NNT: variants seen among roughly 807,000 people sequenced by gnomAD.
NNT encodes NAD(P) transhydrogenase, mitochondrial.
NNT carries 50 observed loss-of-function variants against 104.8 expected under a neutral mutation model. The observed-to-expected ratio is 0.48, with a 90% CI of 0.38 to 0.60. The LOEUF is 0.60. Ranked by LOEUF, NNT falls within the 20% of genes least tolerant of loss-of-function variation. The probability of loss-of-function intolerance (pLI) is 0.00; values close to 1 mark genes in which losing one functional copy is unlikely to be tolerated. For missense variants in NNT, 1,131 were observed against 1,330.7 expected (o/e 0.85, Z 2.33); for synonymous variants, 461 against 490.4 (o/e 0.94, Z 0.79).
At chr5:43,619,364 A>G (rs1749951040) in intron 5 of NNT, among the ~76,000 whole-genome samples, 2 of 152,120 alleles carry the variant, frequency 1.3e-5, no homozygotes, top group Admixed American at 1.3e-4. Flanking sequence ...GAATTTTTAA[A>G]AGAATTTTGG....
rs1740075746 is a variant in NNT, at chr5:43,656,750, G to A, written c.2391G>A (p.Val797=). Residue 797 remains valine (V), a synonymous_variant, in exon 16 of 22, where the codon GTG becomes GTA. Coordinates refer to ENST00000344920, the MANE Select transcript of NNT (RefSeq NM_182977.3). ...ASVGGIIPFM[V]DPSFTTGITC... ...TGGGCGGGATAATCCCATTCATGGTGGACCCAAGCTTTACTACTGGCATCA... is the reference window on the plus strand; with the variant it reads ...TGGGCGGGATAATCCCATTCATGGTAGACCCAAGCTTTACTACTGGCATCA... The A allele has an allele frequency of 6.2e-7, 1 of 1,614,034 alleles. No individual in the cohort carries two copies. The highest frequency in any genetic ancestry group is 1.1e-5 in the South Asian group (1 of 91,092).
chr5:43,602,998 C>T (rs933047243), upstream of NNT: 3 of 152,252 alleles, frequency 2.0e-5, no homozygotes, highest in South Asian at 2.1e-4. Context: ...TGGAAGGGCC[C>T]CTGGGGGTAA....
Position 43,676,079 on chromosome 5 carries a change from A to T in NNT, c.2794+409A>T, listed in dbSNP as rs200582617. 2.0e-5 allele frequency among the ~76,000 whole-genome samples: 3 copies of T among 152,216 alleles called. No homozygotes were observed. In the East Asian group the frequency reaches 5.8e-4, roughly 29 times the overall value. On this transcript the variant is annotated intron_variant, in intron 18 of 21. Coordinates refer to ENST00000344920, the MANE Select transcript of NNT (RefSeq NM_182977.3). ...TTCAAAAATGATTATTTAAAAAATG[A>T]TCAAGAATCATGTGGTTTTCAACAA...
In NNT at chr5:43,628,319, C is replaced by A; in HGVS notation, c.896C>A (p.Ala299Asp). ...GAGATGTCCAAAGAGTTCATTGAAG[C>A]TGAAATGAAACTCTTTGCTCAACAA... ...AKEMSKEFIE[A>D]EMKLFAQQCK... Residue 299 changes from alanine (A) to aspartate (D), a missense_variant, in exon 7 of 22, where the codon GCT becomes GAT. By Grantham distance (126) the Ala-to-Asp change is moderately radical. Transcript: ENST00000344920. The A allele has an allele frequency of 1.2e-6, 2 of 1,613,780 alleles. No homozygotes were observed. Among genetic ancestry groups the A allele is most frequent in the Admixed American group, 3.3e-5 (2 of 59,944 alleles).
chr5:43,661,705 C>T (rs1292636847), intron 17 of NNT, among the ~76,000 whole-genome samples: 1 of 151,520 alleles, frequency 6.6e-6, no homozygotes, highest in Non-Finnish European at 1.5e-5. Context: ...ATGATGATTT[C>T]CAATTTCATC....
chr5:43,651,038 C>T (rs1345573624), intron 12 of NNT, among the ~76,000 whole-genome samples: 3 of 152,120 alleles, frequency 2.0e-5, no homozygotes, highest in African/African-American at 2.4e-5. Flanking sequence ...GTCCAAGAAA[C>T]CTGGTGCCTG....
intron 10 of NNT, among the ~76,000 whole-genome samples, chr5:43,646,173 G>A (rs776568298): frequency 2.6e-5 from 4 of 152,034 alleles, no homozygotes; most frequent in East Asian, 1.9e-4. Flanking sequence ...AGTAAATAGA[G>A]GCACTGTGCT....
intron 19 of NNT, among the ~76,000 whole-genome samples, chr5:43,689,572 A>G (rs1000250985): frequency 6.6e-6 from 1 of 152,150 alleles, no homozygotes; most frequent in Non-Finnish European, 1.5e-5. Flanking sequence ...TTTTTGTATA[A>G]GGTGAGAGAT....
intron 18 of NNT, 114 bp downstream of exon 18, chr5:43,675,784 T>A: frequency 3.9e-6 from 3 of 773,836 alleles, no homozygotes; most frequent in Non-Finnish European, 3.8e-6. Context: ...GAAAATATAA[T>A]GGAAACAATA....
Position 43,618,976 on chromosome 5 carries a change from T to A in NNT, c.600-56T>A, listed in dbSNP as rs531370216. The A allele has an allele frequency of 1.5e-3, 1,515 of 1,040,170 alleles. 1 individual carries two copies. Among genetic ancestry groups the A allele is most frequent in the Non-Finnish European group, 1.8e-3 (1,405 of 759,848 alleles). The allele number at this position is 1,040,170 out of a possible 1,614,324, so 64.4% of individuals were successfully genotyped here. A position where few individuals can be genotyped will look rare whatever the true frequency, so the allele number is the denominator to read the frequency against. ...TTGATGACTTATGATGATATGTGAG[T>A]CTGAGATCTCTCCTTTTATGGAATT... On this transcript the variant is annotated intron_variant, in intron 4 of 21. Transcript: ENST00000344920.
intron 1 of NNT, among the ~76,000 whole-genome samples, chr5:43,605,600 G>T (rs1485760822): frequency 3.8e-5 from 5 of 132,598 alleles, no homozygotes; most frequent in African/African-American, 5.7e-5. Context: ...TTTTCTTATT[G>T]CTTCAAAGCC....
chr5:43,672,582 G>C (rs1039182136), intron 17 of NNT, among the ~76,000 whole-genome samples: 5 of 152,200 alleles, frequency 3.3e-5, no homozygotes, highest in African/African-American at 1.2e-4. Flanking sequence ...TATCAGCAGT[G>C]GAGGCTGCAG....
chr5:43,614,329 T>G (rs576119525), intron 3 of NNT, among the ~76,000 whole-genome samples: 27 of 152,338 alleles, frequency 1.8e-4, no homozygotes, highest in African/African-American at 6.3e-4. Flanking sequence ...TTCTTGATCT[T>G]GGGGGCCTCT....
intron 17 of NNT, among the ~76,000 whole-genome samples, chr5:43,671,536 C>T (rs933588445): frequency 2.0e-5 from 3 of 152,122 alleles, no homozygotes; most frequent in East Asian, 1.9e-4. Context: ...TTCTCCTTGA[C>T]TTATGAAGCT....
chr5:43,631,008 C>T (rs1750645744), intron 7 of NNT, among the ~76,000 whole-genome samples: 1 of 152,160 alleles, frequency 6.6e-6, no homozygotes, highest in Non-Finnish European at 1.5e-5. Flanking sequence ...AACCCAAGGA[C>T]AAAGAATTGA....
At chr5:43,674,177 G>A (rs1311900360) in intron 17 of NNT, among the ~76,000 whole-genome samples, 5 of 152,144 alleles carry the variant, frequency 3.3e-5, no homozygotes, top group Admixed American at 1.3e-4. Context: ...TCTGATAAAC[G>A]AGTTTAGATT....
At chr5:43,688,734 A>G (rs1238007216) in intron 19 of NNT, among the ~76,000 whole-genome samples, 4 of 152,204 alleles carry the variant, frequency 2.6e-5, no homozygotes, top group African/African-American at 9.7e-5. Flanking sequence ...GTTGCTGTGA[A>G]TGCCATTGTT....
At chr5:43,627,728 T>A (rs1376849124) in intron 6 of NNT, among the ~76,000 whole-genome samples, 1 of 152,284 alleles carries the variant, frequency 6.6e-6, no homozygotes, top group East Asian at 1.9e-4. Flanking sequence ...TAAGGACTGG[T>A]TGGGGGGTAA....
At chr5:43,640,202 G>T (rs1751154213) in intron 7 of NNT, among the ~76,000 whole-genome samples, 1 of 152,096 alleles carries the variant, frequency 6.6e-6, no homozygotes, top group Non-Finnish European at 1.5e-5. Flanking sequence ...TCTCTGGGGT[G>T]TAGAGGGCAT....
Sources: allele counts gnomAD v4.1 joint callset (sites outside exome capture counted in the v4.1 genomes callset), GRCh38; gene constraint gnomAD v4.1.1; transcripts MANE v1.5; gene names NCBI Gene and HGNC (gene_info 2026-07-23, HGNC 2026-07-21).